Variants in RDH10 observed in about 807,000 individuals in gnomAD.
RDH10 encodes the protein retinol dehydrogenase 10 (all-trans).
In RDH10, 12 loss-of-function variants were observed where a neutral mutation model predicts 30.2. That is an observed-to-expected ratio of 0.40 (90% CI 0.25 to 0.64). The LOEUF (loss-of-function observed/expected upper bound fraction) is 0.64. Among genes scored for constraint, RDH10 ranks in the 30% least tolerant of loss-of-function variants. The pLI is 0.43. For missense variants in RDH10, 268 were observed against 445.2 expected, an observed-to-expected ratio of 0.60 and a Z score of 3.58; for synonymous variants, 189 against 172.2, an observed-to-expected ratio of 1.10 and a Z score of -0.76.
chr8:73,307,097 ATTATG>A (rs1814477409), intron 2 of RDH10, among the ~76,000 whole-genome samples: 1 of 152,170 alleles, frequency 6.6e-6, no homozygotes, highest in South Asian at 2.1e-4. Flanking sequence ...TTGTATTTTT[ATTATG>A]TTTGCTGGAC....
chr8:73,308,325 A>G (rs1814497473), intron 2 of RDH10, among the ~76,000 whole-genome samples: 1 of 152,220 alleles, frequency 6.6e-6, no homozygotes, highest in Non-Finnish European at 1.5e-5. Flanking sequence ...TGCCTTTGAA[A>G]TGTTAATCAT....
chr8:73,300,901 G>T (rs902975641), intron 2 of RDH10, among the ~76,000 whole-genome samples: 2 of 152,298 alleles, frequency 1.3e-5, no homozygotes, highest in East Asian at 1.9e-4. Context: ...GGGGTTAAAT[G>T]ACTCATCTAA....
intron 4 of RDH10, among the ~76,000 whole-genome samples, chr8:73,321,432 A>T (rs1035205552): frequency 1.3e-5 from 2 of 152,262 alleles, no homozygotes; most frequent in African/African-American, 4.8e-5. Context: ...AAATTCCTTC[A>T]TGTGACTTGG....
chr8:73,306,615 T>A (rs922708846), intron 2 of RDH10, among the ~76,000 whole-genome samples: 20 of 152,244 alleles, frequency 1.3e-4, no homozygotes, highest in Non-Finnish European at 7.3e-5. Context: ...CCCCTTACAA[T>A]GACAAGCCAC....
chr8:73,322,657 T>G (rs746489702), intron 4 of RDH10, 22 bp from the exon 5 acceptor site: 17 of 1,595,860 alleles, frequency 1.1e-5, no homozygotes, highest in Non-Finnish European at 1.5e-5. Context: ...TTTCATTTTG[T>G]TTTTGAATAA....
intron 4 of RDH10, 112 bp from the exon 5 acceptor site, chr8:73,322,567 G>C: frequency 1.1e-6 from 1 of 907,880 alleles, no homozygotes; most frequent in South Asian, 1.8e-5. Flanking sequence ...AAAACAAAAT[G>C]TACCCAAAAT....
At chr8:73,320,861 G>A in intron 3 of RDH10, 71 bp from the exon 4 acceptor site, 3 of 1,476,600 alleles carry the variant, frequency 2.0e-6, no homozygotes, top group African/African-American at 1.4e-5. Context: ...AATAGGACCA[G>A]GGAAGCTTTA....
At chr8:73,310,604 A>C (rs1010601530) in intron 2 of RDH10, among the ~76,000 whole-genome samples, 1 of 152,248 alleles carries the variant, frequency 6.6e-6, no homozygotes, top group Non-Finnish European at 1.5e-5. Flanking sequence ...TGTCTTTATT[A>C]CAATTTCTGA....
rs1410411335 is a variant in RDH10 at position 73,324,925 on chromosome 8, CT to C, written c.*1892del. The C allele has an allele frequency of 6.6e-6, 1 of 152,210 alleles. No homozygotes were observed. Among genetic ancestry groups the C allele is most frequent in the Non-Finnish European group, 1.5e-5 (1 of 68,028 alleles). The allele number at this position is 152,210 out of a possible 1,614,324, so 9.4% of individuals were successfully genotyped here. On this transcript the variant is annotated 3_prime_UTR_variant, in exon 6 of 6. Transcript: ENST00000240285. Reference sequence around the variant, plus strand: ...AGCTCTGTTATATGTTTCCATTTCTCTTTATCAAAGATAACCAAACCTTATG... The same window carrying C: ...AGCTCTGTTATATGTTTCCATTTCTCTTATCAAAGATAACCAAACCTTATG...
rs1321192669 is a variant in RDH10, at chr8:73,295,173, C to G, written c.-117C>G. ...GGGCACCTCGGGGGCGGGCGCGGGG[C>G]GCAGCCTTCTCGTCCCGGCCTCTGT... On this transcript the variant is annotated 5_prime_UTR_variant, in exon 1 of 6. Coordinates refer to ENST00000240285, the MANE Select transcript of RDH10 (RefSeq NM_172037.5). 1.9e-6 allele frequency: 2 copies of G among 1,027,628 alleles called. No individual in the cohort carries two copies. Among genetic ancestry groups the G allele is most frequent in the Non-Finnish European group, 2.6e-6 (2 of 758,302 alleles). 63.7% of individuals were successfully genotyped at this position (1,027,628 alleles called of 1,614,324 possible).
chr8:73,315,955 C>A (rs1814655099), intron 2 of RDH10, among the ~76,000 whole-genome samples: 1 of 152,080 alleles, frequency 6.6e-6, no homozygotes, highest in African/African-American at 2.4e-5. Context: ...TTTGGCTAAT[C>A]TGGGAACAAT....
intron 1 of RDH10, 121 bp from the exon 2 acceptor site, chr8:73,297,073 T>G (rs1814280610): frequency 1.5e-6 from 1 of 669,004 alleles, no homozygotes; most frequent in Non-Finnish European, 2.7e-6. Context: ...GTTAGAAATT[T>G]GAAGCTCACT....
At chr8:73,321,607 A>T in intron 4 of RDH10, 1 of 351,860 alleles carries the variant, frequency 2.8e-6, no homozygotes, top group Non-Finnish European at 5.6e-6. Context: ...TATACTGAAA[A>T]ATGAAATAAA....
rs776906420 is a variant in RDH10, at chr8:73,295,571, G to A, written c.282G>A (p.Ala94=). Residue 94 remains alanine (A), a synonymous_variant, in exon 1 of 6, where the codon GCG becomes GCA. Transcript: ENST00000240285. The stretch of plus-strand genomic sequence containing the variant: ...ACCTGGAGGCGGCCGACGCCGCTGC[G>A]CTGCAAGGTAACCTGGACCCGCGCG... The part of the protein sequence containing the change: ...YRDLEAADAA[A]LQAGNGEEEI... 27 of 1,520,636 alleles carry A rather than the reference G, an allele frequency of 1.8e-5. No homozygotes were observed. Among genetic ancestry groups the A allele is most frequent in the Non-Finnish European group, 2.3e-5 (26 of 1,135,536 alleles). The allele number at this position is 1,520,636 out of a possible 1,614,324, so 94.2% of individuals were successfully genotyped here. A position where few individuals can be genotyped will look rare whatever the true frequency, so the allele number is the denominator to read the frequency against.
At chr8:73,300,868 A>T (rs1213009802) in intron 2 of RDH10, among the ~76,000 whole-genome samples, 1 of 151,996 alleles carries the variant, frequency 6.6e-6, no homozygotes, top group Non-Finnish European at 1.5e-5. Flanking sequence ...TTCTTGTTCA[A>T]CCCTTTGTTT....
intron 2 of RDH10, among the ~76,000 whole-genome samples, chr8:73,300,024 T>C (rs4737370): frequency 0.22 from 32,921 of 152,198 alleles, 4,450 homozygotes; most frequent in South Asian, 0.44. Context: ...GAGTCATCAC[T>C]GTGCTTTGAG....
At chr8:73,321,098 T>C (rs1346428508) in intron 4 of RDH10, 21 bp downstream of exon 4, 1 of 1,565,830 alleles carries the variant, frequency 6.4e-7, no homozygotes, top group Admixed American at 1.8e-5. Context: ...ACCTATATTA[T>C]TACTGATAAA....
rs141122895 is a variant in RDH10 at position 73,295,848 on chromosome 8, G to A, written c.289+270G>A. 242 of 1,257,740 alleles carry A rather than the reference G, an allele frequency of 1.9e-4. 1 individual carries two copies. The African/African-American group carries it at 3.4e-3, about 18-fold the overall frequency. 77.9% of individuals were successfully genotyped at this position (1,257,740 alleles called of 1,614,324 possible). On this transcript the variant is annotated intron_variant, in intron 1 of 5. Coordinates refer to ENST00000240285, the MANE Select transcript of RDH10 (RefSeq NM_172037.5). ...AGGGGGCGGGTTTCCTAAGCCCTCC[G>A]GGGTAGGGAAGGCGGAGGGAACTTG...
At chr8:73,301,727 G>A (rs1380256859) in intron 2 of RDH10, among the ~76,000 whole-genome samples, 5 of 152,182 alleles carry the variant, frequency 3.3e-5, no homozygotes, top group African/African-American at 9.7e-5. Context: ...CTGCACTCCA[G>A]CCTGGGTGAC....
Sources: allele counts gnomAD v4.1 joint callset (sites outside exome capture counted in the v4.1 genomes callset), GRCh38; gene constraint gnomAD v4.1.1; transcripts MANE v1.5; gene names NCBI Gene and HGNC (gene_info 2026-07-23, HGNC 2026-07-21).